The following TMEM30A variants were observed in gnomAD, a reference collection of about 807,000 sequenced individuals.
TMEM30A encodes the protein cell division cycle 50 P4-ATPase accessory subunit A.
In TMEM30A, 24 loss-of-function variants were observed where a neutral mutation model predicts 38.2. The observed-to-expected ratio is 0.63, with a 90% CI of 0.46 to 0.88. TMEM30A has a LOEUF of 0.88. Among genes scored for constraint, TMEM30A ranks in the 40% least tolerant of loss-of-function variants. The pLI is 0.00. For synonymous variants in TMEM30A, 145 were observed against 161.6 expected (o/e 0.90, Z 0.78); for missense variants, 370 against 458.6 (o/e 0.81, Z 1.77).
chr6:75,265,966 T>TTA (rs1295357295), intron 2 of TMEM30A, among the ~76,000 whole-genome samples: 1 of 152,192 alleles, frequency 6.6e-6, no homozygotes. Flanking sequence ...AAACTACTAA[T>TTA]TAGTAGAGTC....
chr6:75,265,995 T>C (rs1164573812), intron 2 of TMEM30A, among the ~76,000 whole-genome samples: 1 of 152,176 alleles, frequency 6.6e-6, no homozygotes, highest in Non-Finnish European at 1.5e-5. Context: ...AATAAGCCAC[T>C]TTATAATAAT....
At chr6:75,267,499 C>T (rs915926630) in intron 2 of TMEM30A, 142 bp downstream of exon 2, 7 of 505,844 alleles carry the variant, frequency 1.4e-5, no homozygotes, top group Admixed American at 1.1e-4. Context: ...ACACACAAAA[C>T]GATCTTCCTC....
chr6:75,260,220 A>G (rs1362490034), intron 4 of TMEM30A, among the ~76,000 whole-genome samples: 3 of 152,052 alleles, frequency 2.0e-5, no homozygotes, highest in Non-Finnish European at 4.4e-5. Flanking sequence ...CCTGACCAAT[A>G]TGGTGAAACC....
rs1771814047 is a variant in TMEM30A, at chr6:75,253,373, G to C, written c.*2729C>G. 6.6e-6 allele frequency: 1 copy of C among 152,186 alleles called. No individual in the cohort carries two copies. The highest frequency in any genetic ancestry group is 1.5e-5 in the Non-Finnish European group (1 of 68,014). The allele number at this position is 152,186 out of a possible 1,614,324, so 9.4% of individuals were successfully genotyped here. On this transcript the variant is annotated 3_prime_UTR_variant, in exon 7 of 7. Transcript: ENST00000230461. Reference sequence around the variant, plus strand: ...CTTGATCTAATACCAAACTTAGCCAGTCTAACTGTAACTCAGATGATAATC... The same window carrying C: ...CTTGATCTAATACCAAACTTAGCCACTCTAACTGTAACTCAGATGATAATC...
chr6:75,264,884 G>A (rs1381207237), intron 3 of TMEM30A, among the ~76,000 whole-genome samples: 2 of 152,080 alleles, frequency 1.3e-5, no homozygotes, highest in African/African-American at 2.4e-5. Flanking sequence ...GGCAGATCAT[G>A]AGGTCAGGAG....
rs193071116 is a variant in TMEM30A, at chr6:75,268,414, A to T, written c.238-666T>A. ...TGGCCCAGCCCAATCTCTTAGGAGGAAAGTGGGGCTAAAAATTTAGTTCAA... is the reference window on the plus strand; with the variant it reads ...TGGCCCAGCCCAATCTCTTAGGAGGTAAGTGGGGCTAAAAATTTAGTTCAA... On this transcript the variant is annotated intron_variant, in intron 1 of 6. Coordinates refer to ENST00000230461, the MANE Select transcript of TMEM30A (RefSeq NM_018247.4). Among the ~76,000 whole-genome samples the T allele has an allele frequency of 3.5e-4, 54 of 152,298 alleles. No individual in the cohort carries two copies. The East Asian group carries it at 0.01, about 28-fold the overall frequency.
intron 4 of TMEM30A, among the ~76,000 whole-genome samples, 175 bp from the exon 5 acceptor site, chr6:75,259,665 A>G (rs1307829202): frequency 6.6e-6 from 1 of 152,216 alleles, no homozygotes; most frequent in Non-Finnish European, 1.5e-5. Flanking sequence ...GTAACTTTAT[A>G]ATTCTAGATG....
chr6:75,278,077 A>G (rs1772292079), intron 1 of TMEM30A, among the ~76,000 whole-genome samples: 1 of 152,154 alleles, frequency 6.6e-6, no homozygotes, highest in South Asian at 2.1e-4. Context: ...GCAAAGCCAC[A>G]TACCTAACTC....
chr6:75,256,201 G>A lies in TMEM30A; in HGVS notation c.987C>T (p.Tyr329=). ...GGAAGGAGATGGATCCAACAGCGAT[G>A]TAAGCAATCCCCAAAAATGGATTTT... The part of the protein sequence containing the change: ...GGKNPFLGIA[Y]IAVGSISFLL... The change falls in exon 7 of 7, where the codon TAC becomes TAT. Residue 329 remains tyrosine, a synonymous_variant. Transcript: ENST00000230461. 7 of 1,613,578 alleles carry A rather than the reference G, an allele frequency of 4.3e-6. No individual in the cohort carries two copies. The highest frequency in any genetic ancestry group is 1.1e-5 in the South Asian group (1 of 91,052).
chr6:75,271,259 A>T (rs1054621528), intron 1 of TMEM30A, among the ~76,000 whole-genome samples: 7 of 152,188 alleles, frequency 4.6e-5, no homozygotes, highest in Non-Finnish European at 7.3e-5. Flanking sequence ...TCTTTTTTTA[A>T]CTGAACAAAA....
At chr6:75,265,716 T>C (rs1582278635) in intron 2 of TMEM30A, among the ~76,000 whole-genome samples, 1 of 24,616 alleles carries the variant, frequency 4.1e-5, no homozygotes, top group Admixed American at 7.0e-4. Context: ...ATGGTCAAAC[T>C]TGTTTCTTTT....
At position 75,277,569 on chromosome 6, in the gene TMEM30A, C is replaced by A. The variant is rs556127479; in HGVS notation, c.237+6833G>T. Among the ~76,000 whole-genome samples, 7 of 152,268 alleles carry A rather than the reference C, an allele frequency of 4.6e-5. No homozygotes were observed. The South Asian group carries it at 1.4e-3, about 32-fold the overall frequency. ...CAGTGAGCTATGAACATTGCCACTG[C>A]ACTCTAGCCTGGGCAACGGCAAGGC... On this transcript the variant is annotated intron_variant, in intron 1 of 6. Coordinates refer to ENST00000230461, the MANE Select transcript of TMEM30A (RefSeq NM_018247.4).
At chr6:75,260,132 G>A (rs963485709) in intron 4 of TMEM30A, among the ~76,000 whole-genome samples, 2 of 152,096 alleles carry the variant, frequency 1.3e-5, no homozygotes, top group Non-Finnish European at 2.9e-5. Flanking sequence ...CAGGCCAGGC[G>A]CAGTGGCTCA....
intron 1 of TMEM30A, 80 bp downstream of exon 1, chr6:75,284,322 C>G (rs937803116): frequency 7.3e-7 from 1 of 1,372,556 alleles, no homozygotes; most frequent in Admixed American, 1.7e-5. Context: ...GGATTCTGGG[C>G]GCTGGGAAAG....
At chr6:75,257,537 T>C (rs1300091743) in intron 6 of TMEM30A, among the ~76,000 whole-genome samples, 2 of 152,174 alleles carry the variant, frequency 1.3e-5, no homozygotes, top group African/African-American at 2.4e-5. Flanking sequence ...CTAGAGATTT[T>C]CTGGATGCTA....
chr6:75,284,298 TCAGC>T, intron 1 of TMEM30A, 100 bp downstream of exon 1: 2 of 1,114,846 alleles, frequency 1.8e-6, no homozygotes, highest in Admixed American at 1.7e-5. Context: ...CGGCGCGAGG[TCAGC>T]CAGTCAACTG....
At chr6:75,265,075 C>A (rs760065286) in intron 3 of TMEM30A, among the ~76,000 whole-genome samples, 156 bp downstream of exon 3, 1 of 151,268 alleles carries the variant, frequency 6.6e-6, no homozygotes, top group Non-Finnish European at 1.5e-5. Flanking sequence ...CCAGCCTGGG[C>A]GACAAAGTGA....
chr6:75,278,254 C>G (rs984303235), intron 1 of TMEM30A, among the ~76,000 whole-genome samples: 2 of 152,222 alleles, frequency 1.3e-5, no homozygotes, highest in Non-Finnish European at 2.9e-5. Flanking sequence ...ATTTCACCAC[C>G]AGATAAATCT....
chr6:75,256,063 T>C lies in TMEM30A; in HGVS notation c.*39A>G. ...AAAGCTAGGTTGAATAGGACTGGCC[T>C]TGATGCACATGCAGATGATTTGCTT... is the stretch of plus-strand genomic sequence containing the variant. On this transcript the variant is annotated 3_prime_UTR_variant, in exon 7 of 7. Transcript: ENST00000230461. 1 of 1,468,556 alleles carries C rather than the reference T, an allele frequency of 6.8e-7. No individual in the cohort carries two copies. Among genetic ancestry groups the C allele is most frequent in the South Asian group, 1.2e-5 (1 of 82,082 alleles). 91.0% of individuals were successfully genotyped at this position (1,468,556 alleles called of 1,614,324 possible).
Sources: gnomAD v4.1 joint callset for allele counts (sites outside exome capture counted in the v4.1 genomes callset) on GRCh38, gnomAD v4.1.1 for gene constraint, MANE v1.5 for transcripts, NCBI Gene and HGNC (gene_info 2026-07-23, HGNC 2026-07-21) for gene names.